Variants in PGCKA1 observed in about 807,000 individuals in gnomAD.
PGCKA1 encodes PDCD10 and GCKIII kinases-associated protein 1.
At chr4:37,502,395 C>T in the PGCKA1 span, among the ~76,000 whole-genome samples, 2 of 152,182 alleles carry the variant, frequency 1.3e-5, no homozygotes, top group African/African-American at 2.4e-5. Flanking sequence ...AGTGTTAGCA[C>T]GTGGGTAGGG....
At chr4:37,459,387 C>T in the PGCKA1 span, among the ~76,000 whole-genome samples, 13 of 152,222 alleles carry the variant, frequency 8.5e-5, no homozygotes, top group Admixed American at 2.6e-4. Context: ...AGAATAGTAT[C>T]TGTTAATATC....
the PGCKA1 span, among the ~76,000 whole-genome samples, chr4:37,567,209 C>T: frequency 5.5e-3 from 844 of 152,204 alleles, 7 homozygotes; most frequent in Middle Eastern, 6.8e-3. Context: ...GTTATATAAC[C>T]TCCCATTTAG....
At chr4:37,561,401 T>C in the PGCKA1 span, among the ~76,000 whole-genome samples, 2 of 152,010 alleles carry the variant, frequency 1.3e-5, no homozygotes, top group African/African-American at 4.8e-5. Flanking sequence ...GAATGTAAAG[T>C]GAAAGGTGAT....
At chr4:37,578,900 C>CA in the PGCKA1 span, among the ~76,000 whole-genome samples, 134 of 151,456 alleles carry the variant, frequency 8.8e-4, no homozygotes, top group African/African-American at 3.1e-3. Flanking sequence ...CTACTAAATA[C>CA]AAAAAAAATT....
chr4:37,538,686 G>A, the PGCKA1 span, among the ~76,000 whole-genome samples: 5 of 152,226 alleles, frequency 3.3e-5, no homozygotes, highest in African/African-American at 1.2e-4. Flanking sequence ...TTTGATAGCA[G>A]TGATGCCTTG....
the PGCKA1 span, among the ~76,000 whole-genome samples, chr4:37,508,635 T>C: frequency 1.3e-5 from 2 of 149,546 alleles, no homozygotes; most frequent in Non-Finnish European, 3.0e-5. Flanking sequence ...TTGTGTTTGC[T>C]TCATTCATCT....
the PGCKA1 span, chr4:37,591,409 C>A: frequency 1.3e-5 from 2 of 156,026 alleles, no homozygotes; most frequent in African/African-American, 4.8e-5. Flanking sequence ...AAACTGTTTA[C>A]CTTGCTTTTG....
chr4:37,459,820 TG>T, the PGCKA1 span, among the ~76,000 whole-genome samples: 1 of 145,604 alleles, frequency 6.9e-6, no homozygotes, highest in East Asian at 2.2e-4. Flanking sequence ...TTTTTTAGCT[TG>T]GTTTTTTTTT....
the PGCKA1 span, among the ~76,000 whole-genome samples, chr4:37,513,934 CA>C: frequency 6.6e-6 from 1 of 152,158 alleles, no homozygotes; most frequent in Non-Finnish European, 1.5e-5. Flanking sequence ...CTAAAGTCAA[CA>C]CATCCTAGTA....
the PGCKA1 span, among the ~76,000 whole-genome samples, chr4:37,469,724 G>A: frequency 3.9e-5 from 6 of 152,002 alleles, no homozygotes; most frequent in Admixed American, 2.0e-4. Flanking sequence ...ATAATCTATC[G>A]GACTTATATT....
At chr4:37,586,777 G>A in the PGCKA1 span, among the ~76,000 whole-genome samples, 15 of 152,252 alleles carry the variant, frequency 9.9e-5, no homozygotes, top group East Asian at 2.9e-3. Flanking sequence ...GGGCGTGTTG[G>A]CAGGCACCTG....
At chr4:37,475,092 G>T in the PGCKA1 span, among the ~76,000 whole-genome samples, 1 of 152,098 alleles carries the variant, frequency 6.6e-6, no homozygotes, top group South Asian at 2.1e-4. Flanking sequence ...CCTACTGATG[G>T]TTTAGGAAAA....
At chr4:37,584,959 C>T in the PGCKA1 span, among the ~76,000 whole-genome samples, 1 of 148,314 alleles carries the variant, frequency 6.7e-6, no homozygotes, top group East Asian at 2.0e-4. Flanking sequence ...GTCTGCCTTC[C>T]TTGTTTCTCA....
chr4:37,581,807 A>G, the PGCKA1 span, among the ~76,000 whole-genome samples: 56 of 152,222 alleles, frequency 3.7e-4, no homozygotes, highest in East Asian at 8.1e-3. The surrounding 1 kb of genome is among the most constrained non-coding windows in gnomAD (Gnocchi z 4.4). Flanking sequence ...CACAGTACTG[A>G]TATCTTGCCT....
the PGCKA1 span, among the ~76,000 whole-genome samples, chr4:37,509,520 G>A: frequency 1.0e-3 from 159 of 151,498 alleles, no homozygotes; most frequent in Non-Finnish European, 1.8e-3. Context: ...CCCAGATGAT[G>A]GGTGGCCAGG....
At chr4:37,581,529 A>G in the PGCKA1 span, among the ~76,000 whole-genome samples, 897 of 152,044 alleles carry the variant, frequency 5.9e-3, 6 homozygotes, top group African/African-American at 0.021. This position sits in a 1 kb window ranked among gnomAD's most constrained non-coding sequence, Gnocchi z 4.4. Context: ...GTGTCTATAA[A>G]TGTCATCTAG....
At chr4:37,514,597 C>T in the PGCKA1 span, among the ~76,000 whole-genome samples, 1 of 152,090 alleles carries the variant, frequency 6.6e-6, no homozygotes, top group Non-Finnish European at 1.5e-5. Flanking sequence ...CACACATACA[C>T]CCCCCACAGA....
chr4:37,529,733 G>A, the PGCKA1 span, among the ~76,000 whole-genome samples: 10 of 152,082 alleles, frequency 6.6e-5, no homozygotes, highest in South Asian at 6.2e-4. Context: ...CTCTTTCATC[G>A]GTGTTTTCGT....
At chr4:37,468,638 T>C in the PGCKA1 span, among the ~76,000 whole-genome samples, 1 of 152,224 alleles carries the variant, frequency 6.6e-6, no homozygotes, top group African/African-American at 2.4e-5. Flanking sequence ...ATTTGGTGTG[T>C]TTGTTTCCAG....
Sources: gnomAD v4.1 joint callset for allele counts (sites outside exome capture counted in the v4.1 genomes callset) on GRCh38, gnomAD v4.1.1 for gene constraint, Gnocchi (gnomAD v3.1) non-coding constraint, MANE v1.5 for transcripts, NCBI Gene and HGNC (gene_info 2026-07-23, HGNC 2026-07-21) for gene names.